The following MACROD2 variants were observed in gnomAD, a reference collection of about 807,000 sequenced individuals.
The protein encoded by MACROD2 is ADP-ribose glycohydrolase MACROD2.
In MACROD2, 36 loss-of-function variants were observed where a neutral mutation model predicts 70.4. That is an observed-to-expected ratio of 0.51 (90% CI 0.39 to 0.68). The LOEUF is 0.68. MACROD2 is among the 30% of genes least tolerant of loss of function. The probability of loss-of-function intolerance (pLI) is 0.00; values close to 1 mark genes in which losing one functional copy is unlikely to be tolerated. For synonymous variants in MACROD2, 172 were observed against 178.8 expected (o/e 0.96, Z 0.30); for missense variants, 496 against 538.4 (o/e 0.92, Z 0.78).
At chr20:15,686,894 TAC>T (rs1283263096) in intron 8 of MACROD2, among the ~76,000 whole-genome samples, 10 of 132,818 alleles carry the variant, frequency 7.5e-5, no homozygotes, top group Admixed American at 3.8e-4. Flanking sequence ...AAAAAAAAAA[TAC>T]AGTTTGTTGT....
intron 8 of MACROD2, among the ~76,000 whole-genome samples, chr20:15,594,750 C>T (rs2146675509): frequency 6.6e-6 from 1 of 152,260 alleles, no homozygotes; most frequent in South Asian, 2.1e-4. Context: ...TTTAAGATGT[C>T]CTTTCTCACA....
At chr20:15,894,880 C>T (rs2147228359) in intron 10 of MACROD2, among the ~76,000 whole-genome samples, 1 of 152,334 alleles carries the variant, frequency 6.6e-6, no homozygotes, top group South Asian at 2.1e-4. Context: ...TTGTTACTGC[C>T]TGGTTGGGAG....
chr20:15,941,813 A>G (rs147781587), intron 12 of MACROD2, among the ~76,000 whole-genome samples: 16 of 152,280 alleles, frequency 1.1e-4, no homozygotes, highest in African/African-American at 3.8e-4. Context: ...CACTGATATT[A>G]TGGACAGGTC....
chr20:14,493,454 T>C, intron 3 of MACROD2, 25 bp from the exon 4 acceptor site: 1 of 1,598,232 alleles, frequency 6.3e-7, no homozygotes, highest in Non-Finnish European at 8.6e-7. Context: ...ATTTAATGTC[T>C]TTTGTTGTGT....
chr20:15,310,226 C>A (rs1254000551), intron 6 of MACROD2, among the ~76,000 whole-genome samples: 1 of 152,064 alleles, frequency 6.6e-6, no homozygotes, highest in East Asian at 1.9e-4. Flanking sequence ...TTTTATTTTT[C>A]TTTTACTATG....
intron 5 of MACROD2, among the ~76,000 whole-genome samples, chr20:14,693,483 CTG>C (rs970010175): frequency 6.6e-6 from 1 of 152,004 alleles, no homozygotes. Flanking sequence ...TTTTTTCTCC[CTG>C]TGTTAAGATG....
intron 5 of MACROD2, among the ~76,000 whole-genome samples, chr20:15,187,435 A>G (rs2076541299): frequency 6.6e-6 from 1 of 152,218 alleles, no homozygotes; most frequent in Non-Finnish European, 1.5e-5. Flanking sequence ...GATCAACTAA[A>G]GTCAGCCTAG....
At chr20:14,119,944 C>T (rs1275003649) in intron 3 of MACROD2, among the ~76,000 whole-genome samples, 4 of 152,084 alleles carry the variant, frequency 2.6e-5, no homozygotes, top group Non-Finnish European at 5.9e-5. Flanking sequence ...CACGGTGGCT[C>T]ACGCCTGTAA....
rs61521181 is a variant in MACROD2 at position 15,262,730 on chromosome 20, T to C, written c.540+32669T>C. 6.5e-3 allele frequency among the ~76,000 whole-genome samples: 991 copies of C among 152,260 alleles called. 11 individuals carry two copies. Among genetic ancestry groups the C allele is most frequent in the African/African-American group, 0.022 (915 of 41,580 alleles). ...ATTTTGTTATTGCCTGACTTTTAGA[T>C]AAAAGCAATTTTAACTGGGATAAGA... On this transcript the variant is annotated intron_variant, in intron 6 of 17. Coordinates refer to ENST00000684519, the MANE Select transcript of MACROD2 (RefSeq NM_001351661.2).
intron 3 of MACROD2, among the ~76,000 whole-genome samples, chr20:14,340,194 C>T (rs1416249347): frequency 2.0e-5 from 3 of 152,172 alleles, no homozygotes; most frequent in Admixed American, 2.0e-4. Flanking sequence ...GGTGGATTCT[C>T]ATATCAGGAA....
chr20:15,194,589 A>G (rs2076593392), intron 5 of MACROD2, among the ~76,000 whole-genome samples: 2 of 152,292 alleles, frequency 1.3e-5, no homozygotes, highest in South Asian at 2.1e-4. Flanking sequence ...ATATATTATT[A>G]ACTCCTGAAT....
At chr20:15,052,730 G>A (rs1316696914) in intron 5 of MACROD2, among the ~76,000 whole-genome samples, 3 of 152,196 alleles carry the variant, frequency 2.0e-5, no homozygotes, top group African/African-American at 7.2e-5. Context: ...AAGTGTTCAA[G>A]TGAGAGAAAG....
chr20:16,033,822 C>T (rs1568724589), intron 15 of MACROD2, among the ~76,000 whole-genome samples: 1 of 148,378 alleles, frequency 6.7e-6, no homozygotes, highest in Non-Finnish European at 1.5e-5. Context: ...CAGAAGTAAG[C>T]AGACTTGAGG....
intron 5 of MACROD2, among the ~76,000 whole-genome samples, chr20:14,737,494 G>GT (rs2071681584): frequency 6.6e-6 from 1 of 152,090 alleles, no homozygotes; most frequent in Non-Finnish European, 1.5e-5. Context: ...GGGTCAAATG[G>GT]TATTTCTGGT....
intron 6 of MACROD2, among the ~76,000 whole-genome samples, chr20:15,275,799 G>T (rs1231826648): frequency 6.6e-6 from 1 of 152,164 alleles, no homozygotes; most frequent in African/African-American, 2.4e-5. Flanking sequence ...TAGCATTGAA[G>T]GTTCCTGAGC....
At chr20:15,044,792 G>C (rs2075380506) in intron 5 of MACROD2, among the ~76,000 whole-genome samples, 1 of 151,928 alleles carries the variant, frequency 6.6e-6, no homozygotes, top group Non-Finnish European at 1.5e-5. Context: ...TTTGTAAATA[G>C]TCTCTATTAA....
intron 4 of MACROD2, among the ~76,000 whole-genome samples, chr20:14,675,868 T>C (rs1306192596): frequency 1.3e-5 from 2 of 151,142 alleles, no homozygotes; most frequent in East Asian, 3.9e-4. Context: ...ACCAAACAAA[T>C]GGAAAGCCAA....
intron 4 of MACROD2, chr20:14,554,554 T>C (rs1042055210): frequency 6.6e-6 from 1 of 152,150 alleles, no homozygotes; most frequent in Non-Finnish European, 1.5e-5. Context: ...GTAGAACTTA[T>C]GACAGTAGTT....
intron 7 of MACROD2, among the ~76,000 whole-genome samples, chr20:15,494,834 A>T (rs1229857098): frequency 6.6e-6 from 1 of 152,062 alleles, no homozygotes; most frequent in Admixed American, 6.6e-5. Context: ...AAAAGTAAAT[A>T]AGAAAAAAAT....
Sources: allele counts gnomAD v4.1 joint callset (sites outside exome capture counted in the v4.1 genomes callset), GRCh38; gene constraint gnomAD v4.1.1; transcripts MANE v1.5; gene names NCBI Gene and HGNC (gene_info 2026-07-23, HGNC 2026-07-21).